Variants in OXR1 observed in about 807,000 individuals in gnomAD.
The protein encoded by OXR1 is oxidation resistance protein 1.
A neutral mutation model predicts 104.6 loss-of-function variants in OXR1; 41 were observed. The ratio of observed to expected loss-of-function variants is 0.39; its 90% CI spans 0.31 to 0.51. The LOEUF (loss-of-function observed/expected upper bound fraction) is 0.51, where lower values mean the gene tolerates loss of function less well. Ranked by LOEUF, OXR1 falls within the 20% of genes least tolerant of loss-of-function variation. OXR1 has a pLI of 0.77. For missense variants in OXR1, 955 were observed against 1,031.9 expected, an observed-to-expected ratio of 0.93 and a Z score of 1.02; for synonymous variants, 348 against 348.4, an observed-to-expected ratio of 1.00 and a Z score of 0.01.
Position 106,707,068 on chromosome 8 carries a change from A to G in OXR1, c.1547A>G (p.Gln516Arg). 15 of 1,613,946 alleles carry G rather than the reference A, an allele frequency of 9.3e-6. No individual in the cohort carries two copies. Among genetic ancestry groups the G allele is most frequent in the Non-Finnish European group, 1.3e-5 (15 of 1,179,902 alleles). ...WKTHTMQQTKQQRENIQQVSQ... is the reference protein window; with the variant it reads ...WKTHTMQQTKRQRENIQQVSQ... Reference sequence around the variant, plus strand: ...ACCCATACTATGCAACAAACTAAACAGCAAAGGGAAAATATTCAACAAGTG... The same window carrying G: ...ACCCATACTATGCAACAAACTAAACGGCAAAGGGAAAATATTCAACAAGTG... The change falls in exon 9 of 17, where the codon CAG becomes CGG. Residue 516 changes from glutamine (Q) to arginine (R), a missense_variant. By Grantham distance (43) the Gln-to-Arg change is conservative. Around this residue, in one of 2 missense-constraint regions of OXR1, gnomAD observed 849 missense variants for 852.9 expected, o/e 1.00. Coordinates refer to ENST00000517566, the MANE Select transcript of OXR1 (RefSeq NM_001198533.2).
rs535871249 is a variant in OXR1 at position 106,650,595 on chromosome 8, TA to T, written c.221-28609del. On this transcript the variant is annotated intron_variant, in intron 3 of 16. Transcript: ENST00000517566. The stretch of plus-strand genomic sequence containing the variant: ...TATGGGAAACAGGTCCTTTTTAACT[TA>T]AAAAATCATTTTCGAATAGGTGATA... Among the ~76,000 whole-genome samples, 287 of 152,246 alleles carry T rather than the reference TA, an allele frequency of 1.9e-3. 2 individuals carry two copies. The highest frequency in any genetic ancestry group is 6.6e-3 in the African/African-American group (274 of 41,530).
chr8:106,440,984 C>T (rs1487590756), intron 2 of OXR1, among the ~76,000 whole-genome samples: 2 of 152,062 alleles, frequency 1.3e-5, no homozygotes, highest in African/African-American at 2.4e-5. Flanking sequence ...GATTTATAAA[C>T]TTCTGTTTAA....
intron 1 of OXR1, among the ~76,000 whole-genome samples, chr8:106,317,650 C>T (rs1488664465): frequency 6.6e-6 from 1 of 152,080 alleles, no homozygotes; most frequent in Non-Finnish European, 1.5e-5. Context: ...GGCCCCTCTC[C>T]CATTACACAG....
rs981592450 is a variant in OXR1 at position 106,703,152 on chromosome 8, A to G, written c.860+62A>G. On this transcript the variant is annotated intron_variant, in intron 8 of 16. Coordinates refer to ENST00000517566, the MANE Select transcript of OXR1 (RefSeq NM_001198533.2). ...GTATCTAGATAGTTGACCCTTGTCT[A>G]ATACCTTAACTATTTTTACTAGTTT... The G allele has an allele frequency of 2.6e-5, 28 of 1,076,550 alleles. No individual in the cohort carries two copies. In the African/African-American group the frequency reaches 4.1e-4, roughly 16 times the overall value. 66.7% of individuals were successfully genotyped at this position (1,076,550 alleles called of 1,614,324 possible). A position where few individuals can be genotyped will look rare whatever the true frequency, so the allele number is the denominator to read the frequency against.
At chr8:106,638,351 A>G (rs1037966706) in intron 3 of OXR1, among the ~76,000 whole-genome samples, 1 of 152,142 alleles carries the variant, frequency 6.6e-6, no homozygotes, top group Non-Finnish European at 1.5e-5. Context: ...ACCGGGAATT[A>G]CTACCCTCCT....
In OXR1 at chr8:106,683,246, A is replaced by G. The variant is rs745355401; in HGVS notation, c.351A>G (p.Thr117=). 1 of 1,606,920 alleles carries G rather than the reference A, an allele frequency of 6.2e-7. No homozygotes were observed. Among genetic ancestry groups the G allele is most frequent in the Non-Finnish European group, 8.5e-7 (1 of 1,173,966 alleles). ...ATAGCATAGCCCTGAAGTTTGATAC[A>G]ACACCTAACGAACTTGTTCAATTAA... is the stretch of plus-strand genomic sequence containing the variant. ...SLNSIALKFD[T]TPNELVQLNK... The change falls in exon 5 of 17, where the codon ACA becomes ACG. Residue 117 remains threonine (T), a synonymous_variant. Coordinates refer to ENST00000517566, the MANE Select transcript of OXR1 (RefSeq NM_001198533.2).
intron 11 of OXR1, among the ~76,000 whole-genome samples, chr8:106,730,654 C>T (rs898134086): frequency 1.8e-4 from 27 of 152,202 alleles, no homozygotes; most frequent in Middle Eastern, 3.4e-3. Flanking sequence ...CTTTCTTCCA[C>T]CTTTTGGCAC....
intron 3 of OXR1, among the ~76,000 whole-genome samples, chr8:106,551,800 A>G (rs1815829525): frequency 7.6e-6 from 1 of 130,896 alleles, no homozygotes; most frequent in Non-Finnish European, 1.6e-5. Context: ...ATATATATAT[A>G]TATATATATA....
intron 3 of OXR1, among the ~76,000 whole-genome samples, chr8:106,546,997 TCTC>T (rs570027360): frequency 9.5e-4 from 144 of 152,316 alleles, no homozygotes; most frequent in African/African-American, 3.2e-3. Flanking sequence ...TTTAAGCAAT[TCTC>T]CTGCCTCAGC....
At chr8:106,629,086 C>T (rs1822440037) in intron 3 of OXR1, among the ~76,000 whole-genome samples, 1 of 152,074 alleles carries the variant, frequency 6.6e-6, no homozygotes, top group Non-Finnish European at 1.5e-5. Flanking sequence ...TTACTTCATT[C>T]CTCTCCCCCA....
At chr8:106,658,329 C>A in intron 3 of OXR1, 1 of 991,298 alleles carries the variant, frequency 1.0e-6, no homozygotes, top group Non-Finnish European at 1.3e-6. Context: ...GCCGGGGTGG[C>A]GGCCGCCGGG....
intron 3 of OXR1, among the ~76,000 whole-genome samples, chr8:106,619,237 T>C (rs904735411): frequency 6.6e-6 from 1 of 152,200 alleles, no homozygotes; most frequent in African/African-American, 2.4e-5. Context: ...ATTATCCCTT[T>C]TTAAGTTAGT....
chr8:106,500,242 G>C (rs1413783186), intron 2 of OXR1, among the ~76,000 whole-genome samples: 2 of 152,190 alleles, frequency 1.3e-5, no homozygotes, highest in African/African-American at 4.8e-5. Context: ...CCTGTTTTAA[G>C]AAAAAACAAC....
intron 2 of OXR1, among the ~76,000 whole-genome samples, chr8:106,497,744 C>T (rs1811506638): frequency 6.6e-6 from 1 of 151,962 alleles, no homozygotes; most frequent in African/African-American, 2.4e-5. Flanking sequence ...ACCCCTCTTC[C>T]TTGGGGGAAA....
At chr8:106,475,065 C>A (rs79564092) in intron 2 of OXR1, among the ~76,000 whole-genome samples, 1 of 151,812 alleles carries the variant, frequency 6.6e-6, no homozygotes, top group Non-Finnish European at 1.5e-5. Context: ...TCTGTAAAAT[C>A]AAATGAGTTA....
chr8:106,663,198 A>G (rs1825942994), intron 3 of OXR1, among the ~76,000 whole-genome samples: 3 of 152,210 alleles, frequency 2.0e-5, no homozygotes, highest in Admixed American at 6.5e-5. Flanking sequence ...TAAAAACCTG[A>G]TGACATAGTA....
At chr8:106,340,952 T>C (rs909643401) in intron 1 of OXR1, among the ~76,000 whole-genome samples, 1 of 152,182 alleles carries the variant, frequency 6.6e-6, no homozygotes, top group Non-Finnish European at 1.5e-5. Context: ...TGGGTAAACT[T>C]GCATTATTCA....
intron 2 of OXR1, among the ~76,000 whole-genome samples, chr8:106,477,951 G>GTAAT (rs1430863053): frequency 1.3e-5 from 2 of 151,892 alleles, no homozygotes; most frequent in African/African-American, 4.8e-5. Flanking sequence ...ATTTCCAGCT[G>GTAAT]TAATGTACAG....
chr8:106,586,326 A>G (rs1818627646), intron 3 of OXR1, among the ~76,000 whole-genome samples: 1 of 152,154 alleles, frequency 6.6e-6, no homozygotes, highest in African/African-American at 2.4e-5. Flanking sequence ...AGAAAGAAAA[A>G]AAAAGAGAGA....
Sources: gnomAD v4.1 joint callset for allele counts (sites outside exome capture counted in the v4.1 genomes callset) on GRCh38, gnomAD v4.1.1 for gene constraint, gnomAD v4.1.1 regional missense constraint, MANE v1.5 for transcripts, NCBI Gene and HGNC (gene_info 2026-07-23, HGNC 2026-07-21) for gene names.